Variants in PRMT3 observed in about 807,000 individuals in gnomAD.
PRMT3 encodes protein arginine N-methyltransferase 3.
PRMT3 carries 62 observed loss-of-function variants against 71.9 expected under a neutral mutation model. The ratio of observed to expected loss-of-function variants is 0.86; its 90% CI spans 0.70 to 1.07. PRMT3 has a LOEUF of 1.07. Ranked by LOEUF, PRMT3 falls within the 50% of genes least tolerant of loss-of-function variation. The pLI is 0.00. For missense variants in PRMT3, 663 were observed against 643.0 expected, an observed-to-expected ratio of 1.03 and a Z score of -0.34; for synonymous variants, 213 against 220.4, an observed-to-expected ratio of 0.97 and a Z score of 0.30.
intron 7 of PRMT3, among the ~76,000 whole-genome samples, chr11:20,401,535 T>C (rs1459770311): frequency 1.3e-5 from 2 of 152,134 alleles, no homozygotes; most frequent in Admixed American, 1.3e-4. Flanking sequence ...AAGATCTCCT[T>C]TTATGCATTA....
At chr11:20,476,060 T>TAAA (rs1850775033) in intron 13 of PRMT3, among the ~76,000 whole-genome samples, 3 of 151,702 alleles carry the variant, frequency 2.0e-5, no homozygotes, top group African/African-American at 7.3e-5. Context: ...TAAAAACAAA[T>TAAA]AAAACATGGC....
rs141189583 is a variant in PRMT3, at chr11:20,458,003, C to T, written c.1073-3977C>T. 9.6e-3 allele frequency among the ~76,000 whole-genome samples: 1,455 copies of T among 152,198 alleles called. 31 individuals are homozygous for T. The highest frequency in any genetic ancestry group is 0.034 in the African/African-American group (1,404 of 41,530). ...TAAATGAATGATGGGGAAATGAGTC[C>T]AATTTCCAAATAAATATTACTTTTT... On this transcript the variant is annotated intron_variant, in intron 11 of 15. Transcript: ENST00000331079.
intron 10 of PRMT3, among the ~76,000 whole-genome samples, chr11:20,443,428 T>C (rs12417573): frequency 6.6e-6 from 1 of 152,180 alleles, no homozygotes; most frequent in Non-Finnish European, 1.5e-5. Context: ...GGGCTTTGTC[T>C]CCTATTTCCT....
intron 13 of PRMT3, among the ~76,000 whole-genome samples, chr11:20,466,036 T>C (rs750820763): frequency 1.2e-4 from 19 of 152,192 alleles, no homozygotes; most frequent in Admixed American, 5.2e-4. Flanking sequence ...ATCACATGAA[T>C]CAAAATAGAG....
chr11:20,389,439 C>T (rs1377502680), intron 2 of PRMT3, among the ~76,000 whole-genome samples: 1 of 141,734 alleles, frequency 7.1e-6, no homozygotes, highest in Non-Finnish European at 1.5e-5. Flanking sequence ...GAAACAGACT[C>T]TATCAAAGGG....
chr11:20,393,724 T>C (rs1462138251), intron 5 of PRMT3: 1 of 152,184 alleles, frequency 6.6e-6, no homozygotes, highest in Non-Finnish European at 1.5e-5. Flanking sequence ...AGTTTAATCT[T>C]TAATATATAA....
intron 10 of PRMT3, among the ~76,000 whole-genome samples, chr11:20,448,428 A>G (rs1214250932): frequency 1.3e-5 from 2 of 152,186 alleles, no homozygotes; most frequent in Non-Finnish European, 2.9e-5. Context: ...ATTCAGAGAT[A>G]TACTACATAG....
chr11:20,392,863 A>T (rs1317444981), intron 4 of PRMT3, 34 bp from the exon 5 acceptor site: 1 of 1,325,874 alleles, frequency 7.5e-7, no homozygotes, highest in Non-Finnish European at 1.1e-6. Flanking sequence ...GATTATATGT[A>T]ATGAAAAAAA....
chr11:20,395,506 G>A (rs933572133), intron 5 of PRMT3, among the ~76,000 whole-genome samples: 1 of 151,492 alleles, frequency 6.6e-6, no homozygotes, highest in Admixed American at 6.6e-5. Context: ...ACCAGACCTG[G>A]CTAACTTTTT....
chr11:20,443,783 A>C (rs1035010485), intron 10 of PRMT3, among the ~76,000 whole-genome samples: 12 of 152,192 alleles, frequency 7.9e-5, no homozygotes, highest in Non-Finnish European at 1.3e-4. Flanking sequence ...TTTGACTGTC[A>C]GTCTTTTGTT....
intron 11 of PRMT3, among the ~76,000 whole-genome samples, chr11:20,455,392 C>T (rs1055443500): frequency 1.1e-4 from 17 of 152,160 alleles, no homozygotes; most frequent in East Asian, 1.9e-4. Flanking sequence ...TTTAGCACTA[C>T]GAAGCTAACA....
intron 8 of PRMT3, chr11:20,406,674 T>C (rs1222555302): frequency 6.6e-6 from 1 of 152,214 alleles, no homozygotes; most frequent in African/African-American, 2.4e-5. Flanking sequence ...AGAAATGAAA[T>C]TGCTGAGTCA....
intron 15 of PRMT3, among the ~76,000 whole-genome samples, chr11:20,506,901 T>G (rs1427353022): frequency 6.6e-6 from 1 of 152,156 alleles, no homozygotes; most frequent in Admixed American, 6.5e-5. Context: ...TAGATAAAAA[T>G]TTGGAACCTA....
chr11:20,500,462 T>C (rs1851431679), intron 15 of PRMT3, among the ~76,000 whole-genome samples: 1 of 152,226 alleles, frequency 6.6e-6, no homozygotes, highest in South Asian at 2.1e-4. Context: ...AAGAACTACA[T>C]TGGAATCTTT....
intron 13 of PRMT3, among the ~76,000 whole-genome samples, chr11:20,487,499 T>C (rs1851103215): frequency 6.6e-6 from 1 of 152,130 alleles, no homozygotes; most frequent in South Asian, 2.1e-4. Flanking sequence ...GAAAAATGAA[T>C]CTTTGCTTAA....
At chr11:20,442,897 T>C (rs988894682) in intron 10 of PRMT3, among the ~76,000 whole-genome samples, 1 of 152,196 alleles carries the variant, frequency 6.6e-6, no homozygotes, top group African/African-American at 2.4e-5. Flanking sequence ...GAGATTGATA[T>C]ATCAAAGGGT....
chr11:20,392,204 C>T lies in PRMT3; in HGVS notation c.248-7C>T. 2 of 1,572,496 alleles carry T rather than the reference C, an allele frequency of 1.3e-6. No homozygotes were observed. Among genetic ancestry groups the T allele is most frequent in the South Asian group, 1.1e-5 (1 of 88,228 alleles). On this transcript the variant is annotated splice_region_variant and splice_polypyrimidine_tract_variant and intron_variant, in intron 3 of 15. Transcript: ENST00000331079. ...AACATAGGTGAATTATCTTTTTCCC[C>T]CTTTAGGACTTGAATTTTATGGATA...
At chr11:20,430,761 T>C (rs1849638722) in intron 10 of PRMT3, among the ~76,000 whole-genome samples, 1 of 152,194 alleles carries the variant, frequency 6.6e-6, no homozygotes, top group South Asian at 2.1e-4. Flanking sequence ...AAATTTTTCA[T>C]ATACAATACA....
chr11:20,504,707 T>TGTGTGTGTGAGAGAGAGAGAGAGAGA (rs1332372470), intron 15 of PRMT3, among the ~76,000 whole-genome samples: 1 of 133,590 alleles, frequency 7.5e-6, no homozygotes, highest in African/African-American at 3.0e-5. Flanking sequence ...TGTGTGTGTG[T>TGTGTGTGTGAGAGAGAGAGAGAGAGA]GAGAGAGAGA....
Sources: allele counts gnomAD v4.1 joint callset (sites outside exome capture counted in the v4.1 genomes callset), GRCh38; gene constraint gnomAD v4.1.1; transcripts MANE v1.5; gene names NCBI Gene and HGNC (gene_info 2026-07-23, HGNC 2026-07-21).